DIAPH2: variants seen among roughly 807,000 people sequenced by gnomAD.
DIAPH2 encodes the protein diaphanous related formin 2, also known as protein diaphanous homolog 2.
A neutral mutation model predicts 92.7 loss-of-function variants in DIAPH2; 35 were observed. The ratio of observed to expected loss-of-function variants is 0.38; its 90% CI spans 0.29 to 0.50. The LOEUF is 0.50. DIAPH2 is among the 20% of genes least tolerant of loss of function. The pLI, the probability that DIAPH2 is intolerant of heterozygous loss-of-function variation, is 0.94. For synonymous variants in DIAPH2, 301 were observed against 280.4 expected (o/e 1.07, Z -0.73); for missense variants, 701 against 819.5 (o/e 0.86, Z 1.77).
At chrX:97,078,083 T>C (rs2066717139) in intron 19 of DIAPH2, among the ~76,000 whole-genome samples, 1 of 111,764 alleles carries the variant, frequency 8.9e-6, no homozygotes, top group African/African-American at 3.3e-5. Flanking sequence ...AACAGAAATA[T>C]GTATAGACAC....
At chrX:96,889,463 AT>A (rs899903368) in intron 5 of DIAPH2, among the ~76,000 whole-genome samples, 2 of 111,985 alleles carry the variant, frequency 1.8e-5, no homozygotes, top group Non-Finnish European at 3.8e-5. Flanking sequence ...TACGAAAACA[AT>A]TTTTTAACAT....
At chrX:97,361,450 T>A (rs2069324500) in intron 24 of DIAPH2, among the ~76,000 whole-genome samples, 1 of 112,117 alleles carries the variant, frequency 8.9e-6, no homozygotes, top group Admixed American at 9.5e-5. Context: ...TTGATTTAAC[T>A]CTGCTTTTGA....
intron 23 of DIAPH2, among the ~76,000 whole-genome samples, chrX:97,293,540 T>C (rs1039785764): frequency 1.5e-4 from 17 of 111,722 alleles, no homozygotes; most frequent in Non-Finnish European, 2.8e-4. Flanking sequence ...CGTGAGCCAC[T>C]GCCCCCGGTC....
intron 22 of DIAPH2, among the ~76,000 whole-genome samples, chrX:97,197,643 T>C (rs1728478843): frequency 8.9e-6 from 1 of 112,272 alleles, no homozygotes; most frequent in South Asian, 3.7e-4. Context: ...GTATATTTAC[T>C]GTGCCTTGCT....
At chrX:97,183,479 G>A (rs1452948332) in intron 22 of DIAPH2, among the ~76,000 whole-genome samples, 1 of 112,267 alleles carries the variant, frequency 8.9e-6, no homozygotes, top group Non-Finnish European at 1.9e-5. Context: ...AAGGGGTTAA[G>A]TAGTTCCTAG....
chrX:97,050,894 G>T (rs2066516066), intron 17 of DIAPH2, among the ~76,000 whole-genome samples: 1 of 111,957 alleles, frequency 8.9e-6, no homozygotes, highest in African/African-American at 3.2e-5. Context: ...TTTTGAGTTT[G>T]CAATCACGGA....
At chrX:97,027,750 C>T (rs938043329) in intron 17 of DIAPH2, among the ~76,000 whole-genome samples, 8 of 112,166 alleles carry the variant, frequency 7.1e-5, no homozygotes, top group Admixed American at 5.7e-4. Context: ...TAGAGAGCAT[C>T]GGTAGCCATT....
intron 4 of DIAPH2, among the ~76,000 whole-genome samples, chrX:96,863,679 T>C (rs777013505): frequency 9.0e-6 from 1 of 111,286 alleles, no homozygotes; most frequent in East Asian, 2.8e-4. Context: ...TAGGTAAACA[T>C]TTTTACCTAA....
At chrX:96,986,871 T>C (rs1191429201) in intron 17 of DIAPH2, among the ~76,000 whole-genome samples, 2 of 111,495 alleles carry the variant, frequency 1.8e-5, no homozygotes, top group Non-Finnish European at 3.8e-5. Flanking sequence ...AACCATTCAA[T>C]AGACTTAATA....
At chrX:97,511,436 C>T (rs1338771943) in intron 26 of DIAPH2, among the ~76,000 whole-genome samples, 1 of 104,831 alleles carries the variant, frequency 9.5e-6, no homozygotes, top group African/African-American at 3.5e-5. Context: ...TCTAGATATA[C>T]AATCATGTCA....
chrX:97,184,643 G>C (rs771856200), intron 22 of DIAPH2, among the ~76,000 whole-genome samples: 10 of 111,448 alleles, frequency 9.0e-5, no homozygotes, highest in Non-Finnish European at 1.9e-4. Flanking sequence ...ATATGGCTCA[G>C]TGAGACCAAT....
chrX:96,684,992 C>T lies in DIAPH2; in HGVS notation c.-67C>T, dbSNP rs987755571. On this transcript the variant is annotated 5_prime_UTR_variant, in exon 1 of 27. Coordinates refer to ENST00000324765, the MANE Select transcript of DIAPH2 (RefSeq NM_006729.5). Reference sequence around the variant, plus strand: ...GAGTCAGCGCGGGGCAGTGTGAGCGCCCCGAGGTGCTTTCTCAGTTGAGGA... The same window carrying T: ...GAGTCAGCGCGGGGCAGTGTGAGCGTCCCGAGGTGCTTTCTCAGTTGAGGA... 1 of 945,034 alleles carries T rather than the reference C, an allele frequency of 1.1e-6. No homozygotes were observed. The highest frequency in any genetic ancestry group is 1.3e-6 in the Non-Finnish European group (1 of 753,133). The allele number at this position is 945,034 out of a possible 1,213,427, so 77.9% of individuals were successfully genotyped here.
Position 96,962,286 on chromosome X carries a change from C to T in DIAPH2, c.1936-2807C>T, listed in dbSNP as rs866645237. Among the ~76,000 whole-genome samples the T allele has an allele frequency of 3.2e-4, 19 of 59,734 alleles. 1 individual carries two copies. Among genetic ancestry groups the T allele is most frequent in the East Asian group, 2.2e-3 (5 of 2,325 alleles). The allele number at this position is 59,734 out of a possible 115,157, so 51.9% of individuals were successfully genotyped here. A position where few individuals can be genotyped will look rare whatever the true frequency, so the allele number is the denominator to read the frequency against. On this transcript the variant is annotated intron_variant, in intron 16 of 26. Coordinates refer to ENST00000324765, the MANE Select transcript of DIAPH2 (RefSeq NM_006729.5). ...CTATATATATATACATATATATATACATATATATATATACATATATATATA... is the reference window on the plus strand; with the variant it reads ...CTATATATATATACATATATATATATATATATATATATACATATATATATA...
intron 22 of DIAPH2, among the ~76,000 whole-genome samples, chrX:97,199,247 G>A (rs748111126): frequency 6.5e-5 from 7 of 107,441 alleles, no homozygotes; most frequent in South Asian, 4.0e-4. Context: ...GTGTGTGTAC[G>A]TGTGTGTATC....
At chrX:96,815,626 C>T (rs1281312734) in intron 4 of DIAPH2, among the ~76,000 whole-genome samples, 1 of 111,825 alleles carries the variant, frequency 8.9e-6, no homozygotes, top group East Asian at 2.8e-4. Context: ...CTGGGAGCTG[C>T]AGACCGGAGC....
At chrX:97,287,444 A>G (rs747145717) in intron 23 of DIAPH2, among the ~76,000 whole-genome samples, 2 of 111,830 alleles carry the variant, frequency 1.8e-5, no homozygotes, top group East Asian at 5.6e-4. Flanking sequence ...AAAAATGCGA[A>G]GAGTCAAATT....
intron 4 of DIAPH2, among the ~76,000 whole-genome samples, chrX:96,844,707 C>T (rs537252049): frequency 7.2e-5 from 8 of 111,684 alleles, no homozygotes; most frequent in African/African-American, 1.9e-4. Context: ...TTGTGGATAA[C>T]GGTAAACCTG....
At chrX:96,938,440 T>C (rs1276719415) in intron 11 of DIAPH2, among the ~76,000 whole-genome samples, 2 of 111,755 alleles carry the variant, frequency 1.8e-5, no homozygotes, top group Non-Finnish European at 3.8e-5. Context: ...ATAAAACTAT[T>C]TTTGGATGCA....
At chrX:96,800,104 G>T (rs2064571102) in intron 4 of DIAPH2, among the ~76,000 whole-genome samples, 1 of 111,535 alleles carries the variant, frequency 9.0e-6, no homozygotes. Context: ...AGTGTATAAA[G>T]CAACATTTTA....
Sources: gnomAD v4.1 joint callset for allele counts (sites outside exome capture counted in the v4.1 genomes callset) on GRCh38, gnomAD v4.1.1 for gene constraint, MANE v1.5 for transcripts, NCBI Gene and HGNC (gene_info 2026-07-23, HGNC 2026-07-21) for gene names.